The following ATRNL1 variants were observed in gnomAD, a reference collection of about 807,000 sequenced individuals.
ATRNL1 encodes attractin-like protein 1.
In ATRNL1, 95 loss-of-function variants were observed where a neutral mutation model predicts 182.7. That is an observed-to-expected ratio of 0.52 (90% CI 0.44 to 0.62). The LOEUF (loss-of-function observed/expected upper bound fraction) is 0.62, where lower values mean the gene tolerates loss of function less well. Ranked by LOEUF, ATRNL1 falls within the 20% of genes least tolerant of loss-of-function variation. The pLI is 0.00. For synonymous variants in ATRNL1, 576 were observed against 568.3 expected (o/e 1.01, Z -0.19); for missense variants, 1,471 against 1,679.5 (o/e 0.88, Z 2.17).
At chr10:115,188,281 A>T (rs1229554665) in intron 8 of ATRNL1, among the ~76,000 whole-genome samples, 1 of 152,102 alleles carries the variant, frequency 6.6e-6, no homozygotes, top group South Asian at 2.1e-4. Context: ...GGTTATGTGG[A>T]ATATATGTTT....
chr10:115,255,474 T>C (rs1851082255), intron 10 of ATRNL1, among the ~76,000 whole-genome samples: 1 of 152,232 alleles, frequency 6.6e-6, no homozygotes, highest in Non-Finnish European at 1.5e-5. Context: ...TTGTGATTTT[T>C]GCACATTGAT....
In ATRNL1 at chr10:115,546,293, G is replaced by A. The variant is rs145562772; in HGVS notation, c.3717-3165G>A. Among the ~76,000 whole-genome samples, 31 of 152,052 alleles carry A rather than the reference G, an allele frequency of 2.0e-4. 1 individual carries two copies. The highest frequency in any genetic ancestry group is 1.0e-3 in the Admixed American group (16 of 15,262). On this transcript the variant is annotated intron_variant, in intron 25 of 28. Coordinates refer to ENST00000355044, the MANE Select transcript of ATRNL1 (RefSeq NM_207303.4). ...TTTAAGAGTTACATTGGCCAGGTGC[G>A]GTGGCTCACACCTGTAATCCCAGCA...
rs138404246 is a variant in ATRNL1 at position 115,115,327 on chromosome 10, G to T, written c.294-4858G>T. Among the ~76,000 whole-genome samples the T allele has an allele frequency of 6.5e-3, 993 of 152,120 alleles. 12 individuals are homozygous for T. Among genetic ancestry groups the T allele is most frequent in the African/African-American group, 0.023 (940 of 41,526 alleles). On this transcript the variant is annotated intron_variant, in intron 1 of 28. Coordinates refer to ENST00000355044, the MANE Select transcript of ATRNL1 (RefSeq NM_207303.4). Reference sequence around the variant, plus strand: ...TCTATTATTTCGTTGGCGTTCTATTGTACAATGAAGTGACTAATGTTACTA... The same window carrying T: ...TCTATTATTTCGTTGGCGTTCTATTTTACAATGAAGTGACTAATGTTACTA...
rs1844198730 is a variant in ATRNL1, at chr10:115,394,660, T to C, written c.3177T>C (p.Ala1059=). The C allele has an allele frequency of 1.9e-6, 3 of 1,610,920 alleles. No individual in the cohort carries two copies. Among genetic ancestry groups the C allele is most frequent in the Non-Finnish European group, 1.7e-6 (2 of 1,177,778 alleles). Residue 1059 remains alanine (A), a splice_region_variant and synonymous_variant, in exon 20 of 29, where the codon GCT becomes GCC. Transcript: ENST00000355044. ...TATCATTTTGGTTTTGACTTACAGC[T>C]TGTACATGCAGTGGCCATGCAAATA... ...GDPTNGGQCT[A]CTCSGHANIC... is the part of the protein sequence containing the mutation.
intron 26 of ATRNL1, among the ~76,000 whole-genome samples, chr10:115,590,715 G>A (rs1855848176): frequency 6.6e-6 from 1 of 151,980 alleles, no homozygotes; most frequent in Admixed American, 6.6e-5. Flanking sequence ...CAAATTATCT[G>A]GCTCCCCACT....
At chr10:115,649,390 C>G (rs1859838605) in intron 26 of ATRNL1, among the ~76,000 whole-genome samples, 1 of 152,036 alleles carries the variant, frequency 6.6e-6, no homozygotes, top group African/African-American at 2.4e-5. Context: ...GCCAGATGGT[C>G]CTTTATTTAT....
At chr10:115,463,392 G>T (rs754382505) in intron 22 of ATRNL1, among the ~76,000 whole-genome samples, 1 of 151,866 alleles carries the variant, frequency 6.6e-6, no homozygotes, top group Non-Finnish European at 1.5e-5. Flanking sequence ...AATACAAGCC[G>T]TCCTTCACTG....
chr10:115,488,118 A>T lies in ATRNL1; in HGVS notation c.3654+18789A>T, dbSNP rs140251792. On this transcript the variant is annotated intron_variant, in intron 24 of 28. Transcript: ENST00000355044. Reference sequence around the variant, plus strand: ...GCTTTTTGATGTGCTGCTGGATTCAATTTGCCGGTATTTTACTGAGGATTT... The same window carrying T: ...GCTTTTTGATGTGCTGCTGGATTCATTTTGCCGGTATTTTACTGAGGATTT... Among the ~76,000 whole-genome samples the T allele has an allele frequency of 2.0e-3, 308 of 152,126 alleles. 1 individual carries two copies. The highest frequency in any genetic ancestry group is 7.1e-3 in the African/African-American group (295 of 41,514).
chr10:115,190,068 A>T (rs1848109916), intron 8 of ATRNL1, among the ~76,000 whole-genome samples: 2 of 152,150 alleles, frequency 1.3e-5, no homozygotes, highest in South Asian at 4.1e-4. Flanking sequence ...TGTGTCACAC[A>T]GCCTAGGTAT....
At chr10:115,853,873 A>G (rs1951112942) in intron 28 of ATRNL1, among the ~76,000 whole-genome samples, 2 of 152,210 alleles carry the variant, frequency 1.3e-5, no homozygotes, top group Admixed American at 6.5e-5. Context: ...GTTAATAAAT[A>G]TGACTCCGTG....
At chr10:115,802,711 A>C (rs1487758297) in intron 27 of ATRNL1, among the ~76,000 whole-genome samples, 1 of 152,198 alleles carries the variant, frequency 6.6e-6, no homozygotes, top group Non-Finnish European at 1.5e-5. Context: ...CTTTTAGTCT[A>C]AATAGATATG....
chr10:115,675,185 A>G (rs1367154150), intron 26 of ATRNL1, among the ~76,000 whole-genome samples: 1 of 152,104 alleles, frequency 6.6e-6, no homozygotes, highest in African/African-American at 2.4e-5. Flanking sequence ...AATTGGAGAC[A>G]GCCTGGGAAA....
intron 20 of ATRNL1, among the ~76,000 whole-genome samples, chr10:115,417,956 A>G (rs544603233): frequency 1.3e-5 from 2 of 152,242 alleles, no homozygotes; most frequent in South Asian, 4.1e-4. Flanking sequence ...GCAAAAACAA[A>G]ACTAGACTAG....
intron 26 of ATRNL1, among the ~76,000 whole-genome samples, chr10:115,648,384 G>A (rs1555033313): frequency 1.3e-5 from 2 of 152,156 alleles, no homozygotes. Context: ...ACTGCCCAAA[G>A]TAATTTATAG....
intron 20 of ATRNL1, among the ~76,000 whole-genome samples, chr10:115,397,783 G>A (rs1252083214): frequency 1.3e-5 from 2 of 151,918 alleles, no homozygotes; most frequent in Non-Finnish European, 2.9e-5. Context: ...AATGTTGAGA[G>A]CTGGAAAAAT....
At chr10:115,378,155 G>T (rs1035606997) in intron 19 of ATRNL1, among the ~76,000 whole-genome samples, 1 of 152,162 alleles carries the variant, frequency 6.6e-6, no homozygotes, top group Non-Finnish European at 1.5e-5. Flanking sequence ...TATCATACGT[G>T]TGTGTTTACT....
chr10:115,191,768 T>C (rs559416317), intron 8 of ATRNL1, among the ~76,000 whole-genome samples: 1 of 152,198 alleles, frequency 6.6e-6, no homozygotes, highest in East Asian at 1.9e-4. Context: ...TCCGCCATGA[T>C]TGCAAGTTCC....
At chr10:115,623,611 A>G (rs1857912985) in intron 26 of ATRNL1, among the ~76,000 whole-genome samples, 1 of 152,180 alleles carries the variant, frequency 6.6e-6, no homozygotes, top group Admixed American at 6.5e-5. Context: ...AAAATAAAGT[A>G]CAAAGAAGAA....
At chr10:115,207,460 T>C (rs1257975908) in intron 8 of ATRNL1, among the ~76,000 whole-genome samples, 1 of 152,130 alleles carries the variant, frequency 6.6e-6, no homozygotes, top group African/African-American at 2.4e-5. Context: ...CATTTTTTCA[T>C]ATGTCTGTTG....
Sources: gnomAD v4.1 joint callset for allele counts (sites outside exome capture counted in the v4.1 genomes callset) on GRCh38, gnomAD v4.1.1 for gene constraint, MANE v1.5 for transcripts, NCBI Gene and HGNC (gene_info 2026-07-23, HGNC 2026-07-21) for gene names.